Variants in RAP1GAP2 observed in about 807,000 individuals in gnomAD.
The protein encoded by RAP1GAP2 is RAP1 GTPase activating protein 2.
RAP1GAP2 carries 27 observed loss-of-function variants against 95.0 expected under a neutral mutation model. The ratio of observed to expected loss-of-function variants is 0.28; its 90% CI spans 0.21 to 0.39. RAP1GAP2 has a LOEUF of 0.39. RAP1GAP2 is among the 10% of genes least tolerant of loss of function. RAP1GAP2 has a pLI of 1.00. For missense variants in RAP1GAP2, 771 were observed against 970.0 expected (o/e 0.79, Z 2.72); for synonymous variants, 373 against 380.9 (o/e 0.98, Z 0.24).
At chr17:2,928,652 A>G (rs760098852) in intron 3 of RAP1GAP2, among the ~76,000 whole-genome samples, 3 of 152,138 alleles carry the variant, frequency 2.0e-5, no homozygotes, top group Non-Finnish European at 4.4e-5. Context: ...AAACAGGCAC[A>G]CATGTTTAAA....
At chr17:2,991,963 G>A (rs111604185) in intron 12 of RAP1GAP2, among the ~76,000 whole-genome samples, 9 of 149,826 alleles carry the variant, frequency 6.0e-5, no homozygotes, top group South Asian at 4.3e-4. Context: ...ACGGGGTTTC[G>A]CCATGTTGCC....
chr17:2,952,950 G>A (rs1384867279), intron 3 of RAP1GAP2, among the ~76,000 whole-genome samples: 1 of 151,856 alleles, frequency 6.6e-6, no homozygotes, highest in East Asian at 1.9e-4. Flanking sequence ...GATTACAGGT[G>A]TGCGCCACCA....
At chr17:2,822,080 T>C (rs1486207176) in intron 2 of RAP1GAP2, among the ~76,000 whole-genome samples, 2 of 152,130 alleles carry the variant, frequency 1.3e-5, no homozygotes, top group Admixed American at 6.6e-5. Context: ...AGCTCCTGCC[T>C]CCTTGGGCAG....
intron 2 of RAP1GAP2, among the ~76,000 whole-genome samples, chr17:2,868,810 T>C (rs2072724849): frequency 6.6e-6 from 1 of 152,192 alleles, no homozygotes; most frequent in Non-Finnish European, 1.5e-5. Context: ...TGAGCCACTG[T>C]GCCCGGCCAG....
At chr17:3,011,766 C>A (rs985870655) in intron 17 of RAP1GAP2, among the ~76,000 whole-genome samples, 1 of 151,864 alleles carries the variant, frequency 6.6e-6, no homozygotes, top group African/African-American at 2.4e-5. Context: ...ATTACAGGTG[C>A]CCGCCACCAC....
At chr17:2,979,423 G>A (rs1383255645) in intron 8 of RAP1GAP2, among the ~76,000 whole-genome samples, 2 of 148,028 alleles carry the variant, frequency 1.4e-5, no homozygotes, top group South Asian at 2.1e-4. Context: ...TGCATTTCCC[G>A]TATTTCAGTG....
rs2046320240 is a variant in RAP1GAP2, at chr17:3,006,023, C to A, written c.1341C>A (p.Asp447Glu). ...TNAENACCKS[D>E]KFAKLEDRTR... ...CCGAGAACGCCTGCTGCAAGTCGGA[C>A]AAGTTTGCAAAGCTGGAGGTGAGAG... Residue 447 changes from aspartate (D) to glutamate (E), a missense_variant, in exon 16 of 25, where the codon GAC (aspartate) becomes GAA (glutamate). Transcript: ENST00000254695. The A allele has an allele frequency of 2.5e-6, 4 of 1,599,268 alleles. No individual in the cohort carries two copies. The South Asian group carries it at 4.4e-5, about 18-fold the overall frequency.
intron 1 of RAP1GAP2, among the ~76,000 whole-genome samples, chr17:2,798,945 C>G (rs139813903): frequency 3.3e-5 from 5 of 152,210 alleles, no homozygotes; most frequent in Non-Finnish European, 7.3e-5. Context: ...GTTCCAGCGC[C>G]GACTCCACCT....
At chr17:2,935,016 T>C (rs1318777137) in intron 3 of RAP1GAP2, among the ~76,000 whole-genome samples, 2 of 152,152 alleles carry the variant, frequency 1.3e-5, no homozygotes, top group African/African-American at 4.8e-5. Context: ...TCCTGTACCA[T>C]CTGCATCAAC....
Position 2,779,804 on chromosome 17 carries a change from G to A in RAP1GAP2, c.-14+2526G>A, listed in dbSNP as rs1223944206. On this transcript the variant is annotated intron_variant, in intron 1 of 24. Coordinates refer to the RAP1GAP2 transcript ENST00000540393. ...GGAGGACAAGGCAGGGGGCTGGGGG[G>A]GGGCAGGAAAGGAAGGTGAGCGGGT... Among the ~76,000 whole-genome samples the A allele has an allele frequency of 2.6e-5, 4 of 152,032 alleles. No individual in the cohort carries two copies. In the South Asian group the frequency reaches 6.2e-4, roughly 24 times the overall value.
intron 19 of RAP1GAP2, among the ~76,000 whole-genome samples, chr17:3,022,229 G>T (rs958017731): frequency 6.6e-6 from 1 of 152,210 alleles, no homozygotes; most frequent in Non-Finnish European, 1.5e-5. Context: ...GGTGGGGGCA[G>T]ATGTCACAGA....
chr17:3,020,918 CT>C (rs1251153316), intron 19 of RAP1GAP2, among the ~76,000 whole-genome samples: 1 of 152,230 alleles, frequency 6.6e-6, no homozygotes, highest in African/African-American at 2.4e-5. Context: ...GGAGCCTTCC[CT>C]GATTCTGCCA....
chr17:2,925,325 TAAAG>T (rs2042918158), intron 3 of RAP1GAP2, among the ~76,000 whole-genome samples: 1 of 151,984 alleles, frequency 6.6e-6, no homozygotes, highest in South Asian at 2.1e-4. Flanking sequence ...GGGTAATTTA[TAAAG>T]AAAGAGGTTT....
chr17:2,909,183 G>T (rs529008816), intron 3 of RAP1GAP2, among the ~76,000 whole-genome samples: 1 of 152,142 alleles, frequency 6.6e-6, no homozygotes, highest in African/African-American at 2.4e-5. Flanking sequence ...GCACCTCGAG[G>T]TGGTGCTGGG....
In RAP1GAP2 at chr17:2,965,650, C is replaced by T. The variant is rs1422826866; in HGVS notation, c.596+7C>T. ...ACCTCCGGGTCATCCTTAGGTAGGG[C>T]TGTTGCGCTGCTTGAGGCCACTTCT... On this transcript the variant is annotated splice_region_variant and intron_variant, in intron 8 of 24. Coordinates refer to ENST00000254695, the MANE Select transcript of RAP1GAP2 (RefSeq NM_015085.5). The surrounding 1 kb of genome is among the most constrained non-coding windows in gnomAD (Gnocchi z 4.7). The T allele has an allele frequency of 1.9e-6, 3 of 1,581,496 alleles. No individual in the cohort carries two copies. The highest frequency in any genetic ancestry group is 2.3e-5 in the East Asian group (1 of 44,322).
intron 8 of RAP1GAP2, among the ~76,000 whole-genome samples, chr17:2,974,611 A>G (rs1012383508): frequency 2.0e-5 from 3 of 151,290 alleles, no homozygotes; most frequent in East Asian, 1.9e-4. Flanking sequence ...TTTTTTTTGC[A>G]TGTTTAAAAG....
At chr17:2,800,353 G>A in intron 1 of RAP1GAP2, 162 bp from the exon 2 acceptor site, 1 of 737,942 alleles carries the variant, frequency 1.4e-6, no homozygotes, top group Non-Finnish European at 1.7e-6. Flanking sequence ...GCACTCAGAG[G>A]CGTCTCTCCC....
intron 3 of RAP1GAP2, among the ~76,000 whole-genome samples, chr17:2,911,734 G>A (rs186021285): frequency 4.5e-4 from 69 of 152,166 alleles, no homozygotes; most frequent in Non-Finnish European, 7.2e-4. Context: ...GGGCCCTAAT[G>A]GCAAGCATGG....
At chr17:2,907,085 A>G (rs573016860) in intron 3 of RAP1GAP2, among the ~76,000 whole-genome samples, 1 of 121,580 alleles carries the variant, frequency 8.2e-6, no homozygotes, top group African/African-American at 3.5e-5. Flanking sequence ...CAGTGAAAAG[A>G]AAAGTATTTT....
Sources: gnomAD v4.1 joint callset for allele counts (sites outside exome capture counted in the v4.1 genomes callset) on GRCh38, gnomAD v4.1.1 for gene constraint, Gnocchi (gnomAD v3.1) non-coding constraint, MANE v1.5 for transcripts, NCBI Gene and HGNC (gene_info 2026-07-23, HGNC 2026-07-21) for gene names.